Variants in ATP2B2 observed in about 807,000 individuals in gnomAD.
ATP2B2 encodes the protein ATPase plasma membrane Ca2+ transporting 2.
Under a neutral mutation model 120.0 loss-of-function variants are expected in ATP2B2, and 15 were observed. That is an observed-to-expected ratio of 0.12 (90% CI 0.08 to 0.19). ATP2B2 has a LOEUF of 0.19. Among genes scored for constraint, ATP2B2 ranks in the 10% least tolerant of loss-of-function variants. The pLI is 1.00. For synonymous variants in ATP2B2, 694 were observed against 700.3 expected, an observed-to-expected ratio of 0.99 and a Z score of 0.14; for missense variants, 1,045 against 1,719.8, an observed-to-expected ratio of 0.61 and a Z score of 6.94.
At chr3:10,658,818 G>GA (rs1470097814) in intron 1 of ATP2B2, among the ~76,000 whole-genome samples, 3 of 151,932 alleles carry the variant, frequency 2.0e-5, no homozygotes, top group Non-Finnish European at 4.4e-5. Context: ...TGAAATGAAG[G>GA]AAAAAATGTT....
chr3:10,686,470 C>T (rs990568640), intron 1 of ATP2B2, among the ~76,000 whole-genome samples: 3 of 152,012 alleles, frequency 2.0e-5, no homozygotes, highest in African/African-American at 4.8e-5. Flanking sequence ...CTGGCTAACA[C>T]GGTGAAACCC....
Position 10,329,615 on chromosome 3 carries a change from G to A in ATP2B2, c.3421-490C>T, listed in dbSNP as rs754592628. Among the ~76,000 whole-genome samples, 25 of 152,260 alleles carry A rather than the reference G, an allele frequency of 1.6e-4. No individual in the cohort carries two copies. The highest frequency in any genetic ancestry group is 4.1e-4 in the South Asian group (2 of 4,826). ...AACCATACAACATGGAACATGTTAC[G>A]TGTCACAAACAGAAAAGGCACAGAA... On this transcript the variant is annotated intron_variant, in intron 22 of 22. Coordinates refer to ENST00000360273, the MANE Select transcript of ATP2B2 (RefSeq NM_001001331.4). This position sits in a 1 kb window ranked among gnomAD's most constrained non-coding sequence, Gnocchi z 5.9.
chr3:10,341,341 C>T (rs533151262), intron 19 of ATP2B2, among the ~76,000 whole-genome samples: 3 of 152,228 alleles, frequency 2.0e-5, no homozygotes, highest in African/African-American at 7.2e-5. Context: ...GAGATGGAGT[C>T]TCGTTGTTGC....
intron 8 of ATP2B2, among the ~76,000 whole-genome samples, chr3:10,382,145 C>T (rs998380324): frequency 6.6e-6 from 1 of 151,364 alleles, no homozygotes; most frequent in Non-Finnish European, 1.5e-5. Context: ...CCTACTTCAG[C>T]TTCCTGAGTT....
intron 1 of ATP2B2, among the ~76,000 whole-genome samples, chr3:10,482,145 T>C (rs1372119432): frequency 6.6e-6 from 1 of 152,198 alleles, no homozygotes; most frequent in Non-Finnish European, 1.5e-5. Context: ...GCTTAATGTC[T>C]AGTTGAGTGG....
rs533983374 is a variant in ATP2B2 at position 10,380,694 on chromosome 3, G to C, written c.1001-1410C>G. ...ACACCCCTCAGCCCCTCTGAGCCCAGGGGAGGGAAGTTGAGGTGGCACTGC... is the reference window on the plus strand; with the variant it reads ...ACACCCCTCAGCCCCTCTGAGCCCACGGGAGGGAAGTTGAGGTGGCACTGC... On this transcript the variant is annotated intron_variant, in intron 8 of 22. Transcript: ENST00000360273. Among the ~76,000 whole-genome samples the C allele has an allele frequency of 7.2e-5, 11 of 152,304 alleles. No homozygotes were observed. In the East Asian group the frequency reaches 2.1e-3, roughly 29 times the overall value.
intron 8 of ATP2B2, among the ~76,000 whole-genome samples, chr3:10,384,812 G>A (rs2061626545): frequency 6.6e-6 from 1 of 152,212 alleles, no homozygotes; most frequent in Non-Finnish European, 1.5e-5. Flanking sequence ...TCCCGGCCTG[G>A]GTCCCCTTGC....
chr3:10,441,732 A>G (rs2063673587), intron 2 of ATP2B2, among the ~76,000 whole-genome samples: 1 of 152,256 alleles, frequency 6.6e-6, no homozygotes, highest in African/African-American at 2.4e-5. Flanking sequence ...TACTAGGTGC[A>G]TAACATATAT....
At chr3:10,492,823 G>C (rs183460349) in intron 1 of ATP2B2, among the ~76,000 whole-genome samples, 1 of 152,134 alleles carries the variant, frequency 6.6e-6, no homozygotes, top group Admixed American at 6.5e-5. Flanking sequence ...GGAGGATACT[G>C]GTGTCCCTTT....
chr3:10,604,534 TCTCATATCACCTACCAC>T (rs1171591579), intron 2 of ATP2B2, among the ~76,000 whole-genome samples: 6 of 152,266 alleles, frequency 3.9e-5, no homozygotes, highest in Non-Finnish European at 7.4e-5. Context: ...ATCCATAGCT[TCTCATATCACCTACCAC>T]CACATGCCCC....
At chr3:10,393,345 C>G (rs11923508) in intron 5 of ATP2B2, among the ~76,000 whole-genome samples, 1 of 152,036 alleles carries the variant, frequency 6.6e-6, no homozygotes, top group East Asian at 1.9e-4. Flanking sequence ...AATAGGAAGC[C>G]GCTGAGAGTA....
chr3:10,567,828 C>A (rs2068041935), intron 2 of ATP2B2, among the ~76,000 whole-genome samples: 2 of 151,948 alleles, frequency 1.3e-5, no homozygotes, highest in Admixed American at 1.3e-4. Flanking sequence ...CCACTTTGGC[C>A]CTCTCAGTGG....
At chr3:10,560,489 G>T (rs55639709) in intron 2 of ATP2B2, among the ~76,000 whole-genome samples, 1 of 152,140 alleles carries the variant, frequency 6.6e-6, no homozygotes, top group South Asian at 2.1e-4. Context: ...CCCCAGCTGA[G>T]CCCCATCTTT....
intron 2 of ATP2B2, among the ~76,000 whole-genome samples, chr3:10,577,805 G>A (rs894625514): frequency 4.6e-5 from 7 of 152,224 alleles, no homozygotes; most frequent in Admixed American, 1.3e-4. Flanking sequence ...GAGGGAACCC[G>A]AGGCACTGTG....
At chr3:10,465,608 C>G (rs1047221471) in intron 1 of ATP2B2, among the ~76,000 whole-genome samples, 2 of 152,234 alleles carry the variant, frequency 1.3e-5, no homozygotes, top group African/African-American at 4.8e-5. Flanking sequence ...AGGTTCAAAT[C>G]TTCAAGTCAA....
intron 1 of ATP2B2, among the ~76,000 whole-genome samples, chr3:10,695,251 G>GGAGGGGCAGAGA (rs60247955): frequency 7.9e-6 from 1 of 126,910 alleles, no homozygotes; most frequent in East Asian, 2.4e-4. Flanking sequence ...AGGGAGGGAG[G>GGAGGGGCAGAGA]GAGAGAGAGA....
chr3:10,669,889 T>C (rs992465371), intron 1 of ATP2B2, among the ~76,000 whole-genome samples: 3 of 152,192 alleles, frequency 2.0e-5, no homozygotes, highest in African/African-American at 7.2e-5. Flanking sequence ...AGATGATTCA[T>C]TCACAAGGTA....
intron 1 of ATP2B2, among the ~76,000 whole-genome samples, chr3:10,455,080 T>C (rs893820687): frequency 6.6e-6 from 1 of 152,176 alleles, no homozygotes; most frequent in Non-Finnish European, 1.5e-5. Flanking sequence ...CAATAAATAT[T>C]TGGTGTTGGG....
chr3:10,455,273 T>C (rs1187019774), intron 1 of ATP2B2, among the ~76,000 whole-genome samples: 1 of 152,170 alleles, frequency 6.6e-6, no homozygotes, highest in Non-Finnish European at 1.5e-5. Context: ...CACTGCCCAG[T>C]TTCCCCTCTT....
Sources: allele counts gnomAD v4.1 joint callset (sites outside exome capture counted in the v4.1 genomes callset), GRCh38; gene constraint gnomAD v4.1.1; non-coding constraint Gnocchi (gnomAD v3.1); transcripts MANE v1.5; gene names NCBI Gene and HGNC (gene_info 2026-07-23, HGNC 2026-07-21).